COX7B2: variants seen among roughly 807,000 people sequenced by gnomAD.
COX7B2 encodes cytochrome c oxidase subunit 7B2.
For synonymous variants in COX7B2, 37 were observed against 32.1 expected, an observed-to-expected ratio of 1.15 and a Z score of -0.51; for missense variants, 109 against 95.9, an observed-to-expected ratio of 1.14 and a Z score of -0.57.
At chr4:46,780,908 A>G (rs975571992) in intron 2 of COX7B2, among the ~76,000 whole-genome samples, 4 of 152,250 alleles carry the variant, frequency 2.6e-5, no homozygotes, top group African/African-American at 7.2e-5. Context: ...TCATAAGTCA[A>G]TGTCTTACTT....
At position 46,883,747 on chromosome 4, in the gene COX7B2, G is replaced by A. The variant is rs1012230413; in HGVS notation, c.-105+25413C>T. Among the ~76,000 whole-genome samples, 8 of 151,180 alleles carry A rather than the reference G, an allele frequency of 5.3e-5. 2 individuals are homozygous for A. Among genetic ancestry groups the A allele is most frequent in the Admixed American group, 1.3e-4 (2 of 15,144 alleles). The stretch of plus-strand genomic sequence containing the variant: ...TGCACTCCAGCCTGGGCGACAGAGT[G>A]AGATCTTCTATTAATCAGAATAAAC... On this transcript the variant is annotated intron_variant, in intron 1 of 2. Transcript: ENST00000355591.
chr4:46,795,534 G>A (rs1323267001), intron 2 of COX7B2, among the ~76,000 whole-genome samples: 1 of 143,276 alleles, frequency 7.0e-6, no homozygotes, highest in East Asian at 2.0e-4. Flanking sequence ...ATTTCTGAGG[G>A]CTCTGTTCTG....
intron 2 of COX7B2, among the ~76,000 whole-genome samples, chr4:46,744,934 G>A (rs1396146729): frequency 6.6e-6 from 1 of 151,876 alleles, no homozygotes; most frequent in East Asian, 1.9e-4. Context: ...GTTTCACTGT[G>A]TTGTCCAGGC....
At chr4:46,808,546 T>C (rs911440521) in intron 2 of COX7B2, among the ~76,000 whole-genome samples, 2 of 151,860 alleles carry the variant, frequency 1.3e-5, no homozygotes, top group Non-Finnish European at 3.0e-5. Context: ...TGTTGTCTGA[T>C]TGTTCTTGCT....
chr4:46,862,460 T>TA (rs1717394922), intron 1 of COX7B2, among the ~76,000 whole-genome samples: 1 of 152,228 alleles, frequency 6.6e-6, no homozygotes, highest in Non-Finnish European at 1.5e-5. Flanking sequence ...TGTACATGTG[T>TA]TATGTGTTGT....
chr4:46,737,315 G>C (rs868142445), intron 2 of COX7B2, among the ~76,000 whole-genome samples: 1 of 152,082 alleles, frequency 6.6e-6, no homozygotes. Context: ...TGAATTTTAA[G>C]AGTTCTTTGT....
intron 1 of COX7B2, among the ~76,000 whole-genome samples, chr4:46,905,814 C>CTTTTTTTTTTTTTTTTTTT (rs761904309): frequency 1.4e-5 from 1 of 71,690 alleles, no homozygotes; most frequent in East Asian, 4.8e-4. Flanking sequence ...GCATATATTT[C>CTTTTTTTTTTTTTTTTTTT]TTTTTTTTTT....
rs1179071105 is a variant in COX7B2, at chr4:46,754,501, G to A, written c.-49-19260C>T. 2.5e-5 allele frequency among the ~76,000 whole-genome samples: 3 copies of A among 118,564 alleles called. No individual in the cohort carries two copies. The East Asian group carries it at 7.9e-4, about 31-fold the overall frequency. 77.8% of individuals were successfully genotyped at this position (118,564 alleles called of 152,430 possible). Reference sequence around the variant, plus strand: ...CACTGCATGTTCTCACTCATAGTTGGGAACTGAACAATGAGAACACTTGGA... The same window carrying A: ...CACTGCATGTTCTCACTCATAGTTGAGAACTGAACAATGAGAACACTTGGA... On this transcript the variant is annotated intron_variant, in intron 2 of 2. Transcript: ENST00000355591.
intron 1 of COX7B2, among the ~76,000 whole-genome samples, chr4:46,898,336 T>A (rs142185850): frequency 1.3e-5 from 2 of 152,186 alleles, no homozygotes; most frequent in African/African-American, 4.8e-5. Context: ...CAAATCTATA[T>A]TAGATGCTCT....
intron 1 of COX7B2, among the ~76,000 whole-genome samples, chr4:46,882,361 TTGA>T (rs1718802309): frequency 6.6e-6 from 1 of 152,210 alleles, no homozygotes; most frequent in African/African-American, 2.4e-5. Context: ...ATTTTCTGCC[TTGA>T]TGATCTGTAC....
intron 2 of COX7B2, among the ~76,000 whole-genome samples, chr4:46,776,393 AGTGTGT>A (rs34113475): frequency 8.6e-4 from 126 of 146,620 alleles, no homozygotes; most frequent in East Asian, 5.4e-3. Context: ...GTAGTTTCAG[AGTGTGT>A]GTGTGTGTGT....
chr4:46,736,158 C>G (rs1246837325), intron 2 of COX7B2, among the ~76,000 whole-genome samples: 1 of 152,148 alleles, frequency 6.6e-6, no homozygotes, highest in Non-Finnish European at 1.5e-5. Context: ...CTAAAAAGCC[C>G]TCTGTGCTCT....
chr4:46,906,135 A>G (rs1720376391), intron 1 of COX7B2, among the ~76,000 whole-genome samples: 1 of 151,956 alleles, frequency 6.6e-6, no homozygotes, highest in Non-Finnish European at 1.5e-5. Flanking sequence ...GGCCCCATAT[A>G]TTTCAATCCT....
intron 2 of COX7B2, among the ~76,000 whole-genome samples, chr4:46,801,509 T>C (rs544930092): frequency 2.6e-5 from 4 of 152,108 alleles, no homozygotes; most frequent in African/African-American, 9.7e-5. Flanking sequence ...TTCCTACTTA[T>C]AAGTGAGAAC....
At chr4:46,821,551 C>G (rs1314514662) in intron 2 of COX7B2, among the ~76,000 whole-genome samples, 1 of 152,136 alleles carries the variant, frequency 6.6e-6, no homozygotes, top group Non-Finnish European at 1.5e-5. Flanking sequence ...TTATATTAAG[C>G]TGATCATTTA....
At chr4:46,824,620 G>T (rs897792618) in intron 2 of COX7B2, among the ~76,000 whole-genome samples, 8 of 147,976 alleles carry the variant, frequency 5.4e-5, no homozygotes, top group African/African-American at 1.5e-4. Context: ...ATGTATTTCT[G>T]AGCCTGCTTA....
chr4:46,864,787 G>A (rs1187354615), intron 1 of COX7B2, among the ~76,000 whole-genome samples: 1 of 152,124 alleles, frequency 6.6e-6, no homozygotes, highest in Non-Finnish European at 1.5e-5. Flanking sequence ...TGGGACTACA[G>A]GCGCCGGCCA....
intron 2 of COX7B2, among the ~76,000 whole-genome samples, chr4:46,799,945 T>C (rs1277723022): frequency 1.3e-5 from 2 of 152,174 alleles, no homozygotes; most frequent in Non-Finnish European, 2.9e-5. Flanking sequence ...TTTATACATC[T>C]GGTGGAATTT....
At position 46,760,521 on chromosome 4, in the gene COX7B2, C is replaced by T. The variant is rs185864711; in HGVS notation, c.-49-25280G>A. Among the ~76,000 whole-genome samples, 64 of 151,930 alleles carry T rather than the reference C, an allele frequency of 4.2e-4. No homozygotes were observed. In the East Asian group the frequency reaches 0.012, roughly 29 times the overall value. ...GAGTTGAACAATGAGAACACATGGA[C>T]ACGGAGGGGCAGGGTATCACACACT... On this transcript the variant is annotated intron_variant, in intron 2 of 2. Coordinates refer to ENST00000355591, the MANE Select transcript of COX7B2 (RefSeq NM_130902.3).
Sources: allele counts gnomAD v4.1 joint callset (sites outside exome capture counted in the v4.1 genomes callset), GRCh38; gene constraint gnomAD v4.1.1; transcripts MANE v1.5; gene names NCBI Gene and HGNC (gene_info 2026-07-23, HGNC 2026-07-21).